Variants in ZFAT observed in about 807,000 individuals in gnomAD.
ZFAT encodes zinc finger and AT-hook domain containing, also known as zinc finger protein ZFAT.
Under a neutral mutation model 117.7 loss-of-function variants are expected in ZFAT, and 64 were observed. The ratio of observed to expected loss-of-function variants is 0.54; its 90% CI spans 0.44 to 0.67. ZFAT has a LOEUF of 0.67. ZFAT is among the 30% of genes least tolerant of loss of function. The pLI is 0.00. For synonymous variants in ZFAT, 679 were observed against 615.0 expected (o/e 1.10, Z -1.54); for missense variants, 1,433 against 1,584.5 (o/e 0.90, Z 1.62).
In ZFAT at chr8:134,608,789, C is replaced by T; in HGVS notation, c.725G>A (p.Arg242Lys). Residue 242 changes from arginine to lysine, a missense_variant, in exon 5 of 16, where the codon AGA becomes AAA. Physicochemically the swap from Arg to Lys is conservative, Grantham distance 26 (BLOSUM62 2). Coordinates refer to ENST00000377838, the MANE Select transcript of ZFAT (RefSeq NM_020863.4). Reference sequence around the variant, plus strand: ...CTGAATGGCGTATTCCTGGTAGCCTCTCCGAGGCACCAGGTCTGCTGAAGT... The same window carrying T: ...CTGAATGGCGTATTCCTGGTAGCCTTTCCGAGGCACCAGGTCTGCTGAAGT... ...ETTSADLVPR[R>K]GYQEYAIQQT... The T allele has an allele frequency of 6.2e-7, 1 of 1,611,048 alleles. No homozygotes were observed. The highest frequency in any genetic ancestry group is 8.5e-7 in the Non-Finnish European group (1 of 1,178,976).
At chr8:134,769,361 G>T in the ZFAT span, among the ~76,000 whole-genome samples, 1 of 152,212 alleles carries the variant, frequency 6.6e-6, no homozygotes. Context: ...AGGGCTACAG[G>T]CCCCATGCAA....
chr8:134,619,577 G>T (rs1828974283), intron 3 of ZFAT, among the ~76,000 whole-genome samples: 1 of 152,154 alleles, frequency 6.6e-6, no homozygotes, highest in Admixed American at 6.5e-5. Flanking sequence ...GTTCAGTAAG[G>T]CCTGGCAGGA....
chr8:134,666,149 G>C (rs1428935301), intron 1 of ZFAT, among the ~76,000 whole-genome samples: 1 of 152,116 alleles, frequency 6.6e-6, no homozygotes, highest in African/African-American at 2.4e-5. Context: ...TCCTAGCTAG[G>C]ACTGGTATCA....
At chr8:134,825,809 A>G in the ZFAT span, among the ~76,000 whole-genome samples, 1 of 152,106 alleles carries the variant, frequency 6.6e-6, no homozygotes, top group Non-Finnish European at 1.5e-5. Flanking sequence ...TCACGAGGTC[A>G]GGAGATCAAG....
At chr8:134,797,908 T>C in the ZFAT span, 1 of 151,834 alleles carries the variant, frequency 6.6e-6, no homozygotes, top group Non-Finnish European at 1.5e-5. Context: ...CCTCTCAATA[T>C]GAAGTCATTA....
intron 1 of ZFAT, among the ~76,000 whole-genome samples, chr8:134,683,404 G>A (rs1057072394): frequency 1.3e-5 from 2 of 152,214 alleles, no homozygotes; most frequent in Non-Finnish European, 2.9e-5. Flanking sequence ...GTATGTGTGC[G>A]CATCTACATA....
At chr8:134,789,902 A>G in the ZFAT span, among the ~76,000 whole-genome samples, 3 of 152,208 alleles carry the variant, frequency 2.0e-5, no homozygotes, top group African/African-American at 7.2e-5. Flanking sequence ...TGTGGTACAC[A>G]TAACTTATGT....
chr8:134,804,073 T>G, the ZFAT span, among the ~76,000 whole-genome samples: 2 of 152,022 alleles, frequency 1.3e-5, no homozygotes, highest in African/African-American at 4.8e-5. Flanking sequence ...ACTCAGAAAA[T>G]AGTTGCTATA....
chr8:134,686,796 G>A (rs1322312930), intron 1 of ZFAT, among the ~76,000 whole-genome samples: 1 of 152,140 alleles, frequency 6.6e-6, no homozygotes, highest in African/African-American at 2.4e-5. Flanking sequence ...TACCCACCTT[G>A]TCAGAAGCCC....
At chr8:134,516,528 T>C (rs1820265015) in intron 13 of ZFAT, among the ~76,000 whole-genome samples, 1 of 152,218 alleles carries the variant, frequency 6.6e-6, no homozygotes, top group African/African-American at 2.4e-5. Context: ...TGTTCTGTTT[T>C]GTTTTGTTTT....
At chr8:134,531,073 G>T (rs894539449) in intron 12 of ZFAT, among the ~76,000 whole-genome samples, 2 of 152,176 alleles carry the variant, frequency 1.3e-5, no homozygotes, top group Non-Finnish European at 2.9e-5. Flanking sequence ...ACCCTGCAAA[G>T]ATAAAATATA....
At chr8:134,502,433 C>A (rs959504909) in intron 15 of ZFAT, among the ~76,000 whole-genome samples, 9 of 152,216 alleles carry the variant, frequency 5.9e-5, no homozygotes, top group African/African-American at 2.2e-4. Context: ...AAGTAGAGTG[C>A]CTTTTCTTGC....
At chr8:134,574,487 A>G (rs1825163616) in intron 10 of ZFAT, among the ~76,000 whole-genome samples, 1 of 151,878 alleles carries the variant, frequency 6.6e-6, no homozygotes, top group Non-Finnish European at 1.5e-5. Flanking sequence ...GGATGACTCC[A>G]GCTGCTTGCT....
rs899198305 is a variant in ZFAT at position 134,477,974 on chromosome 8, C to T, written c.*508G>A. 1 of 155,452 alleles carries T rather than the reference C, an allele frequency of 6.4e-6. No homozygotes were observed. The highest frequency in any genetic ancestry group is 1.4e-5 in the Non-Finnish European group (1 of 69,908). The allele number at this position is 155,452 out of a possible 1,614,324, so 9.6% of individuals were successfully genotyped here. Reference sequence around the variant, plus strand: ...ACTCGGGGAAGTGGGACTTTGTCGACAAAGCCAGGACAATCCCCCTACCCC... The same window carrying T: ...ACTCGGGGAAGTGGGACTTTGTCGATAAAGCCAGGACAATCCCCCTACCCC... On this transcript the variant is annotated 3_prime_UTR_variant, in exon 16 of 16. Transcript: ENST00000377838.
chr8:134,586,141 A>T (rs1262089273), intron 9 of ZFAT, among the ~76,000 whole-genome samples: 1 of 152,224 alleles, frequency 6.6e-6, no homozygotes, highest in Non-Finnish European at 1.5e-5. Flanking sequence ...CCTTCATTAC[A>T]GAGAAAGTTA....
intron 3 of ZFAT, among the ~76,000 whole-genome samples, chr8:134,612,890 G>A (rs1828446547): frequency 6.6e-6 from 1 of 152,182 alleles, no homozygotes; most frequent in African/African-American, 2.4e-5. Context: ...CACTGGCAGT[G>A]CCTACATTTT....
chr8:134,817,452 ATTGT>A, the ZFAT span, among the ~76,000 whole-genome samples: 1 of 76,470 alleles, frequency 1.3e-5, no homozygotes. Flanking sequence ...ACCCTTATTG[ATTGT>A]TTCTCTGCAG....
the ZFAT span, among the ~76,000 whole-genome samples, chr8:134,817,170 A>G: frequency 6.6e-5 from 10 of 152,154 alleles, no homozygotes; most frequent in African/African-American, 2.2e-4. Context: ...GTTGACATTA[A>G]GAAAAAGAGC....
Position 134,583,836 on chromosome 8 carries a change from T to C in ZFAT, c.2883A>G (p.Ala961=). 2.5e-6 allele frequency: 4 copies of C among 1,613,642 alleles called. No homozygotes were observed. The highest frequency in any genetic ancestry group is 3.4e-6 in the Non-Finnish European group (4 of 1,179,788). ...TLKSHKLLHT[A]DGKQFKCTVC... ...CACCTTGGGCCATTTACTCACCATC[T>C]GCAGTGTGAAGGAGTTTGTGACTTT... Residue 961 remains alanine (A), a synonymous_variant, in exon 10 of 16, where the codon GCA becomes GCG. Coordinates refer to ENST00000377838, the MANE Select transcript of ZFAT (RefSeq NM_020863.4).
Sources: gnomAD v4.1 joint callset for allele counts (sites outside exome capture counted in the v4.1 genomes callset) on GRCh38, gnomAD v4.1.1 for gene constraint, MANE v1.5 for transcripts, NCBI Gene and HGNC (gene_info 2026-07-23, HGNC 2026-07-21) for gene names.